The following PDE11A variants were observed in gnomAD, a reference collection of about 807,000 sequenced individuals.
PDE11A encodes the protein phosphodiesterase 11A, also known as dual 3',5'-cyclic-AMP and -GMP phosphodiesterase 11A.
In PDE11A, 100 loss-of-function variants were observed where a neutral mutation model predicts 100.5. The observed-to-expected ratio is 1.00, with a 90% CI of 0.85 to 1.18. The LOEUF (loss-of-function observed/expected upper bound fraction) is 1.18, where lower values mean the gene tolerates loss of function less well. Among genes scored for constraint, PDE11A ranks in the 50% most tolerant of loss-of-function variants. The pLI is 0.00. For synonymous variants in PDE11A, 381 were observed against 420.8 expected (o/e 0.91, Z 1.16); for missense variants, 1,141 against 1,152.6 (o/e 0.99, Z 0.15).
At chr2:178,010,695 C>G (rs1323228499) in intron 2 of PDE11A, among the ~76,000 whole-genome samples, 1 of 152,038 alleles carries the variant, frequency 6.6e-6, no homozygotes, top group African/African-American at 2.4e-5. Context: ...GCAATCGAGG[C>G]TCTGTAGAAA....
chr2:177,912,949 G>T (rs1048832922), intron 2 of PDE11A, among the ~76,000 whole-genome samples: 4 of 152,188 alleles, frequency 2.6e-5, no homozygotes, highest in African/African-American at 9.6e-5. Flanking sequence ...ATTAGTGGTT[G>T]CCTGGGTTAG....
Position 177,840,390 on chromosome 2 carries a change from G to C in PDE11A, c.1368-7C>G. ...CTCCATGCTTTCTTTGAAACTATCA[G>C]AGCACCAAGGTAGGCAGGAAGAAAA... On this transcript the variant is annotated splice_region_variant and splice_polypyrimidine_tract_variant and intron_variant, in intron 5 of 19. Coordinates refer to ENST00000286063, the MANE Select transcript of PDE11A (RefSeq NM_016953.4). 1 of 1,613,390 alleles carries C rather than the reference G, an allele frequency of 6.2e-7. No homozygotes were observed. Among genetic ancestry groups the C allele is most frequent in the Non-Finnish European group, 8.5e-7 (1 of 1,179,440 alleles).
At chr2:177,675,336 A>T in intron 17 of PDE11A, 119 bp downstream of exon 17, 1 of 763,072 alleles carries the variant, frequency 1.3e-6, no homozygotes, top group South Asian at 1.4e-5. Flanking sequence ...CACCATGTTA[A>T]TACTGATGCA....
chr2:177,645,906 C>T (rs528194031), intron 19 of PDE11A, among the ~76,000 whole-genome samples: 1 of 152,314 alleles, frequency 6.6e-6, no homozygotes, highest in South Asian at 2.1e-4. Context: ...ATTAGTCGTG[C>T]ATGTAAAAGT....
At chr2:177,941,398 C>A (rs1359612108) in intron 2 of PDE11A, among the ~76,000 whole-genome samples, 1 of 152,124 alleles carries the variant, frequency 6.6e-6, no homozygotes, top group East Asian at 1.9e-4. Context: ...TCCACCTATC[C>A]TTTTCCTGAT....
At chr2:177,753,713 T>G (rs56662907) in intron 10 of PDE11A, among the ~76,000 whole-genome samples, 428 of 151,448 alleles carry the variant, frequency 2.8e-3, no homozygotes, top group African/African-American at 0.01. Flanking sequence ...AAGCCCTAAT[T>G]CACTTTCCAC....
chr2:177,627,017 C>CT lies in PDE11A; in HGVS notation c.*2389dup, dbSNP rs768524227. On this transcript the variant is annotated 3_prime_UTR_variant, in exon 20 of 20. Coordinates refer to ENST00000286063, the MANE Select transcript of PDE11A (RefSeq NM_016953.4). ...TATTCCCCTCTTAGTCTGGTTTATA[C>CT]TTTTTTTTTTTTTTTTTTTTTTTTT... 1.7e-4 allele frequency: 7 copies of CT among 40,954 alleles called. 2 individuals are homozygous for CT. Among genetic ancestry groups the CT allele is most frequent in the African/African-American group, 8.5e-4 (6 of 7,036 alleles). 2.5% of individuals were successfully genotyped at this position (40,954 alleles called of 1,614,324 possible). A position where few individuals can be genotyped will look rare whatever the true frequency, so the allele number is the denominator to read the frequency against.
chr2:178,078,086 T>G (rs2087230611), intron 2 of PDE11A, among the ~76,000 whole-genome samples: 1 of 152,086 alleles, frequency 6.6e-6, no homozygotes, highest in Non-Finnish European at 1.5e-5. Context: ...CATTGCACCT[T>G]TATTTTCCAT....
chr2:178,064,997 T>C (rs1393445763), intron 1 of PDE11A, among the ~76,000 whole-genome samples: 1 of 152,150 alleles, frequency 6.6e-6, no homozygotes, highest in Non-Finnish European at 1.5e-5. Flanking sequence ...TCAGGAATTA[T>C]AGAAAGTATA....
rs147164234 is a variant in PDE11A, at chr2:177,652,123, A to AAC, written c.2646+11741_2646+11742dup. On this transcript the variant is annotated intron_variant, in intron 19 of 19. Transcript: ENST00000286063. ...GTGGGGTCTCCCAGTGGCTGATAAC[A>AAC]ACACACACACACTGCTGCTGCAGCT... 2.7e-3 allele frequency among the ~76,000 whole-genome samples: 411 copies of AAC among 152,252 alleles called. 16 individuals carry two copies. The East Asian group carries it at 0.072, about 27-fold the overall frequency.
intron 4 of PDE11A, among the ~76,000 whole-genome samples, chr2:177,878,849 T>C (rs1357902501): frequency 6.7e-6 from 1 of 149,834 alleles, no homozygotes; most frequent in African/African-American, 2.5e-5. Flanking sequence ...TAAACTCTAC[T>C]TTATTTACTA....
intron 1 of PDE11A, among the ~76,000 whole-genome samples, chr2:178,065,072 C>T (rs1050730344): frequency 4.6e-5 from 7 of 152,228 alleles, no homozygotes; most frequent in Admixed American, 6.5e-5. Flanking sequence ...GCCTCAATGC[C>T]TATAAATGAC....
intron 17 of PDE11A, among the ~76,000 whole-genome samples, chr2:177,674,394 T>A (rs1178786466): frequency 1.3e-5 from 2 of 152,246 alleles, no homozygotes; most frequent in African/African-American, 2.4e-5. Context: ...ATGTGCTCCC[T>A]CTGGAGGCTC....
At chr2:178,059,006 C>G (rs917419773) in intron 1 of PDE11A, among the ~76,000 whole-genome samples, 14 of 152,178 alleles carry the variant, frequency 9.2e-5, no homozygotes, top group African/African-American at 3.4e-4. Context: ...TCCCCAAACC[C>G]ACCCTTGAAG....
chr2:177,635,453 G>A (rs1056938647), intron 19 of PDE11A, among the ~76,000 whole-genome samples: 1 of 152,086 alleles, frequency 6.6e-6, no homozygotes, highest in Non-Finnish European at 1.5e-5. Flanking sequence ...ACACAGCCTG[G>A]GCATCTGGTC....
intron 19 of PDE11A, among the ~76,000 whole-genome samples, chr2:177,658,658 C>A (rs1559129861): frequency 6.6e-6 from 1 of 151,622 alleles, no homozygotes; most frequent in Non-Finnish European, 1.5e-5. Flanking sequence ...TCCTTTCATC[C>A]ACAAGAATAC....
chr2:178,009,829 C>T (rs2086255897), intron 2 of PDE11A, among the ~76,000 whole-genome samples: 1 of 152,128 alleles, frequency 6.6e-6, no homozygotes, highest in Non-Finnish European at 1.5e-5. Context: ...TTACTGATTT[C>T]CATATTACAA....
intron 19 of PDE11A, among the ~76,000 whole-genome samples, chr2:177,633,517 C>G (rs1322751221): frequency 2.0e-5 from 3 of 152,224 alleles, no homozygotes; most frequent in Non-Finnish European, 1.5e-5. Flanking sequence ...TGTTCTGTCT[C>G]TCTCTTAACA....
intron 2 of PDE11A, among the ~76,000 whole-genome samples, chr2:177,906,693 C>T (rs991789346): frequency 6.6e-6 from 1 of 152,064 alleles, no homozygotes; most frequent in Non-Finnish European, 1.5e-5. Flanking sequence ...TTCTGTTACC[C>T]CCTACTCTCC....
Sources: gnomAD v4.1 joint callset for allele counts (sites outside exome capture counted in the v4.1 genomes callset) on GRCh38, gnomAD v4.1.1 for gene constraint, MANE v1.5 for transcripts, NCBI Gene and HGNC (gene_info 2026-07-23, HGNC 2026-07-21) for gene names.